Variants in STXBP5L observed in about 807,000 individuals in gnomAD.
The protein encoded by STXBP5L is syntaxin binding protein 5L, also known as syntaxin-binding protein 5-like.
Under a neutral mutation model 144.5 loss-of-function variants are expected in STXBP5L, and 65 were observed. That is an observed-to-expected ratio of 0.45 (90% CI 0.37 to 0.55). The LOEUF (loss-of-function observed/expected upper bound fraction) is 0.55. STXBP5L is among the 20% of genes least tolerant of loss of function. STXBP5L has a pLI of 0.00. For synonymous variants in STXBP5L, 505 were observed against 469.6 expected (o/e 1.08, Z -0.97); for missense variants, 1,298 against 1,405.5 (o/e 0.92, Z 1.22).
chr3:121,161,625 TTGTTCTTA>T (rs2108020081), intron 9 of STXBP5L, among the ~76,000 whole-genome samples: 1 of 152,206 alleles, frequency 6.6e-6, no homozygotes, highest in African/African-American at 2.4e-5. Context: ...GTTGATGGCA[TTGTTCTTA>T]TAGCTGGTTG....
intron 9 of STXBP5L, among the ~76,000 whole-genome samples, chr3:121,197,592 C>T (rs190776387): frequency 1.3e-5 from 2 of 151,924 alleles, no homozygotes; most frequent in South Asian, 2.1e-4. Context: ...ACCTGTCAAC[C>T]CATCATCTAG....
intron 20 of STXBP5L, among the ~76,000 whole-genome samples, chr3:121,339,792 A>T (rs2044640242): frequency 6.6e-6 from 1 of 151,194 alleles, no homozygotes; most frequent in Non-Finnish European, 1.5e-5. Context: ...CAAATAAAAA[A>T]CTCAGTCCCT....
chr3:121,259,788 A>AT (rs956014498), intron 18 of STXBP5L, among the ~76,000 whole-genome samples: 5 of 150,810 alleles, frequency 3.3e-5, no homozygotes, highest in African/African-American at 9.7e-5. Context: ...AGTTTGTATG[A>AT]TTTTTTTATT....
chr3:121,046,923 C>G (rs944724026), intron 5 of STXBP5L, among the ~76,000 whole-genome samples: 1 of 151,946 alleles, frequency 6.6e-6, no homozygotes, highest in Non-Finnish European at 1.5e-5. Context: ...TATTGTTTCT[C>G]TAGTTCCTCT....
chr3:121,178,989 C>T (rs943742797), intron 9 of STXBP5L, among the ~76,000 whole-genome samples: 9 of 151,892 alleles, frequency 5.9e-5, no homozygotes, highest in East Asian at 1.9e-4. Context: ...GTGGCAGATA[C>T]GAGCACAGGT....
rs1226361632 is a variant in STXBP5L at position 121,259,140 on chromosome 3, A to G, written c.1930A>G (p.Ser644Gly). The G allele has an allele frequency of 6.3e-7, 1 of 1,595,628 alleles. No individual in the cohort carries two copies. The highest frequency in any genetic ancestry group is 1.3e-5 in the African/African-American group (1 of 74,510). Reference sequence around the variant, plus strand: ...TGGTGAACCTCCACAACAGATTACTAGTCTTGCTGTAAGCTCAGCATATGG... The same window carrying G: ...TGGTGAACCTCCACAACAGATTACTGGTCTTGCTGTAAGCTCAGCATATGG... ...VDGEPPQQIT[S>G]LAVSSAYGIV... The change falls in exon 18 of 27, where the codon AGT becomes GGT. Residue 644 changes from serine (S) to glycine (G), a missense_variant. Transcript: ENST00000471454.
chr3:121,030,652 C>T (rs991365310), intron 3 of STXBP5L, among the ~76,000 whole-genome samples: 2 of 152,076 alleles, frequency 1.3e-5, no homozygotes, highest in Admixed American at 6.6e-5. Flanking sequence ...ACGTTCTGCA[C>T]CTGTATCCCA....
rs1201889029 is a variant in STXBP5L, at chr3:121,012,169, A to G, written c.288-29531A>G. 3.3e-5 allele frequency among the ~76,000 whole-genome samples: 5 copies of G among 152,006 alleles called. No individual in the cohort carries two copies. In the East Asian group the frequency reaches 7.7e-4, roughly 23 times the overall value. ...TTTTTTTATTGGCAAATAAAATTCTATTTTATGGATATACCACATTTTATT... is the reference window on the plus strand; with the variant it reads ...TTTTTTTATTGGCAAATAAAATTCTGTTTTATGGATATACCACATTTTATT... On this transcript the variant is annotated intron_variant, in intron 3 of 26. Transcript: ENST00000471454.
At chr3:121,224,240 T>G (rs2108293639) in intron 11 of STXBP5L, among the ~76,000 whole-genome samples, 1 of 152,272 alleles carries the variant, frequency 6.6e-6, no homozygotes, top group Non-Finnish European at 1.5e-5. Flanking sequence ...GAAGGTTAAG[T>G]GAGCATACTT....
At chr3:121,418,688 T>G in intron 26 of STXBP5L, 131 bp downstream of exon 26, 6 of 886,952 alleles carry the variant, frequency 6.8e-6, no homozygotes, top group Non-Finnish European at 1.0e-5. Context: ...CCTAGATCTC[T>G]TCTAAGTATT....
At chr3:121,295,507 G>T (rs2051615267) in intron 19 of STXBP5L, among the ~76,000 whole-genome samples, 1 of 152,008 alleles carries the variant, frequency 6.6e-6, no homozygotes, top group Admixed American at 6.6e-5. Flanking sequence ...ATTGTAATTA[G>T]TAGGAAAAAA....
intron 7 of STXBP5L, among the ~76,000 whole-genome samples, chr3:121,134,110 T>A (rs933929578): frequency 3.3e-5 from 5 of 152,114 alleles, no homozygotes; most frequent in African/African-American, 1.2e-4. Context: ...AATTTATTTA[T>A]TACATTTATG....
intron 5 of STXBP5L, among the ~76,000 whole-genome samples, chr3:121,090,577 GT>G: frequency 6.6e-6 from 1 of 152,238 alleles, no homozygotes; most frequent in East Asian, 1.9e-4. Context: ...AAGGGAATGA[GT>G]TTAGTTAATT....
intron 10 of STXBP5L, among the ~76,000 whole-genome samples, chr3:121,212,197 G>T (rs1321515295): frequency 2.6e-5 from 4 of 152,122 alleles, no homozygotes; most frequent in Admixed American, 1.3e-4. Context: ...TTCTTTTGCT[G>T]TACAGAAGAT....
intron 3 of STXBP5L, among the ~76,000 whole-genome samples, chr3:120,964,300 T>G (rs1458575530): frequency 6.6e-6 from 1 of 152,202 alleles, no homozygotes; most frequent in African/African-American, 2.4e-5. Context: ...CTTAGTTATT[T>G]CTTGCCTTCT....
At chr3:121,180,104 A>C (rs916159686) in intron 9 of STXBP5L, among the ~76,000 whole-genome samples, 1 of 152,208 alleles carries the variant, frequency 6.6e-6, no homozygotes, top group Non-Finnish European at 1.5e-5. Context: ...GAAATTCATC[A>C]CAAAAAAGAT....
At chr3:121,381,646 A>C in intron 22 of STXBP5L, 114 bp downstream of exon 22, 1 of 1,345,838 alleles carries the variant, frequency 7.4e-7, no homozygotes, top group South Asian at 1.5e-5. Context: ...TATTCTGCAC[A>C]ATGGGAACTA....
At chr3:121,336,492 C>T (rs551894702) in intron 20 of STXBP5L, among the ~76,000 whole-genome samples, 11 of 151,794 alleles carry the variant, frequency 7.2e-5, no homozygotes, top group Non-Finnish European at 1.6e-4. Flanking sequence ...AAGACCCTGT[C>T]TCAAAAAAAC....
intron 5 of STXBP5L, among the ~76,000 whole-genome samples, chr3:121,058,009 G>T (rs1463819290): frequency 1.3e-5 from 2 of 151,954 alleles, no homozygotes; most frequent in African/African-American, 4.8e-5. Context: ...AAAGTTTTGG[G>T]ATACATGTGC....
Sources: allele counts gnomAD v4.1 joint callset (sites outside exome capture counted in the v4.1 genomes callset), GRCh38; gene constraint gnomAD v4.1.1; transcripts MANE v1.5; gene names NCBI Gene and HGNC (gene_info 2026-07-23, HGNC 2026-07-21).